Variants in SNUPN observed in about 807,000 individuals in gnomAD.
SNUPN encodes the protein snurportin-1.
SNUPN carries 31 observed loss-of-function variants against 39.2 expected under a neutral mutation model. The ratio of observed to expected loss-of-function variants is 0.79; its 90% confidence interval spans 0.59 to 1.07. The LOEUF (loss-of-function observed/expected upper bound fraction) is 1.07, where lower values mean the gene tolerates loss of function less well. SNUPN is among the 50% of genes least tolerant of loss of function. The pLI is 0.00. For missense variants in SNUPN, 382 were observed against 434.2 expected, an observed-to-expected ratio of 0.88 and a Z score of 1.07; for synonymous variants, 132 against 159.0, an observed-to-expected ratio of 0.83 and a Z score of 1.28.
intron 2 of SNUPN, among the ~76,000 whole-genome samples, chr15:75,618,930 A>T (rs1216184915): frequency 1.3e-5 from 2 of 149,050 alleles, no homozygotes; most frequent in Non-Finnish European, 3.0e-5. Context: ...AAAAGGAATG[A>T]TGTGGTACTT....
At chr15:75,615,995 T>C (rs960283525) in intron 3 of SNUPN, among the ~76,000 whole-genome samples, 1 of 152,148 alleles carries the variant, frequency 6.6e-6, no homozygotes, top group Non-Finnish European at 1.5e-5. Flanking sequence ...TATCTTCCCA[T>C]GTCATAGCCT....
In SNUPN at chr15:75,598,269, A is replaced by C; in HGVS notation, c.*89T>G. 1 of 1,057,374 alleles carries C rather than the reference A, an allele frequency of 9.5e-7. No individual in the cohort carries two copies. The allele number at this position is 1,057,374 out of a possible 1,614,324, so 65.5% of individuals were successfully genotyped here. A position where few individuals can be genotyped will look rare whatever the true frequency, so the allele number is the denominator to read the frequency against. On this transcript the variant is annotated 3_prime_UTR_variant, in exon 9 of 9. Coordinates refer to ENST00000308588, the MANE Select transcript of SNUPN (RefSeq NM_005701.4). ...GGGTTTGGAAAGTTCACTCTAAAGA[A>C]TGAAGTCACCTGTTGTCACTGTCCT...
chr15:75,606,420 C>G (rs2075331476), intron 6 of SNUPN, among the ~76,000 whole-genome samples: 1 of 151,820 alleles, frequency 6.6e-6, no homozygotes, highest in African/African-American at 2.4e-5. Context: ...CTACAACGTT[C>G]TGATATGCCT....
intron 3 of SNUPN, among the ~76,000 whole-genome samples, chr15:75,616,916 G>C (rs1170141369): frequency 6.6e-6 from 1 of 152,100 alleles, no homozygotes; most frequent in African/African-American, 2.4e-5. Flanking sequence ...TTTATTCAAG[G>C]GCAGCTGTAC....
At chr15:75,603,753 G>C (rs983229834) in intron 7 of SNUPN, among the ~76,000 whole-genome samples, 1 of 151,380 alleles carries the variant, frequency 6.6e-6, no homozygotes, top group Non-Finnish European at 1.5e-5. Context: ...GTGGTTGTGT[G>C]TTATTCTCTT....
At chr15:75,608,121 C>A (rs987831304) in intron 5 of SNUPN, among the ~76,000 whole-genome samples, 7 of 152,134 alleles carry the variant, frequency 4.6e-5, no homozygotes, top group African/African-American at 1.7e-4. Flanking sequence ...TGGCTCACAC[C>A]TATACTCCCA....
chr15:75,608,466 G>A (rs1472640421), intron 5 of SNUPN, among the ~76,000 whole-genome samples: 25 of 152,184 alleles, frequency 1.6e-4, no homozygotes. Flanking sequence ...AAGAAAGCAA[G>A]CCCAGCTCTG....
intron 3 of SNUPN, among the ~76,000 whole-genome samples, chr15:75,612,283 T>C (rs1475678094): frequency 6.6e-6 from 1 of 152,132 alleles, no homozygotes; most frequent in African/African-American, 2.4e-5. Flanking sequence ...TCCACCCACC[T>C]CGGCCTCCCA....
At chr15:75,615,138 G>T (rs1892890424) in intron 3 of SNUPN, among the ~76,000 whole-genome samples, 1 of 151,774 alleles carries the variant, frequency 6.6e-6, no homozygotes, top group African/African-American at 2.4e-5. Context: ...TATAGAAATG[G>T]GATCTTCCTA....
intron 6 of SNUPN, among the ~76,000 whole-genome samples, chr15:75,605,602 C>T (rs2075324970): frequency 6.6e-6 from 1 of 152,034 alleles, no homozygotes; most frequent in Non-Finnish European, 1.5e-5. Context: ...GCCCACCGGG[C>T]CTCTTCATTC....
At chr15:75,601,787 A>G (rs552820269) in intron 7 of SNUPN, among the ~76,000 whole-genome samples, 1 of 152,154 alleles carries the variant, frequency 6.6e-6, no homozygotes, top group African/African-American at 2.4e-5. Context: ...CAAAACAAAA[A>G]AACAAAGAAG....
chr15:75,612,231 C>T (rs1046644095), intron 3 of SNUPN, among the ~76,000 whole-genome samples: 11 of 152,072 alleles, frequency 7.2e-5, no homozygotes, highest in Non-Finnish European at 1.3e-4. Context: ...CAGGGTTTCA[C>T]CATTTTGGCC....
intron 2 of SNUPN, among the ~76,000 whole-genome samples, chr15:75,620,480 C>T (rs1456049644): frequency 2.0e-5 from 3 of 152,142 alleles, no homozygotes; most frequent in African/African-American, 7.2e-5. Flanking sequence ...GCCACAGAAA[C>T]ATTTGGGCTG....
intron 3 of SNUPN, among the ~76,000 whole-genome samples, chr15:75,617,154 C>T (rs1017482034): frequency 2.0e-5 from 3 of 152,234 alleles, no homozygotes; most frequent in African/African-American, 4.8e-5. Context: ...CCTTTGGTAA[C>T]AGCACAGGCT....
At chr15:75,613,038 A>C (rs753788416) in intron 3 of SNUPN, among the ~76,000 whole-genome samples, 1 of 152,090 alleles carries the variant, frequency 6.6e-6, no homozygotes, top group Non-Finnish European at 1.5e-5. Context: ...AGGGCAGATC[A>C]TGAGGTCAGG....
chr15:75,614,558 A>G (rs1220209688), intron 3 of SNUPN, among the ~76,000 whole-genome samples: 1 of 152,234 alleles, frequency 6.6e-6, no homozygotes, highest in Non-Finnish European at 1.5e-5. Context: ...TTTCTATGAA[A>G]TGTGCAAAAT....
intron 2 of SNUPN, among the ~76,000 whole-genome samples, chr15:75,619,773 G>T (rs1893023335): frequency 6.6e-6 from 1 of 152,044 alleles, no homozygotes. Flanking sequence ...TTATTTGAGA[G>T]AGTCTAGCTG....
At chr15:75,606,967 C>T (rs955933389) in intron 6 of SNUPN, among the ~76,000 whole-genome samples, 5 of 152,244 alleles carry the variant, frequency 3.3e-5, no homozygotes, top group East Asian at 3.8e-4. Flanking sequence ...TCCCAGCCTA[C>T]ACCCCTGCCA....
intron 1 of SNUPN, among the ~76,000 whole-genome samples, chr15:75,623,077 C>G (rs1260813788): frequency 6.6e-6 from 1 of 152,218 alleles, no homozygotes; most frequent in Non-Finnish European, 1.5e-5. Flanking sequence ...TTCAACACTG[C>G]TGTGCAGAAC....
Sources: gnomAD v4.1 joint callset for allele counts (sites outside exome capture counted in the v4.1 genomes callset) on GRCh38, gnomAD v4.1.1 for gene constraint, MANE v1.5 for transcripts, NCBI Gene and HGNC (gene_info 2026-07-23, HGNC 2026-07-21) for gene names.